The following SYTL3 variants were observed in gnomAD, a reference collection of about 807,000 sequenced individuals.
SYTL3 encodes synaptotagmin like 3.
Under a neutral mutation model 82.1 loss-of-function variants are expected in SYTL3, and 88 were observed. That is an observed-to-expected ratio of 1.07 (90% confidence interval 0.90 to 1.28). The LOEUF is 1.28. SYTL3 is among the 50% of genes most tolerant of loss of function. The pLI is 0.00. For synonymous variants in SYTL3, 311 were observed against 289.4 expected (o/e 1.07, Z -0.76); for missense variants, 831 against 757.6 (o/e 1.10, Z -1.14).
At chr6:158,710,141 A>G (rs1173010096) in intron 8 of SYTL3, among the ~76,000 whole-genome samples, 1 of 152,236 alleles carries the variant, frequency 6.6e-6, no homozygotes, top group African/African-American at 2.4e-5. Flanking sequence ...AAACACTCAG[A>G]TATACTAATG....
At chr6:158,703,650 G>C (rs974418882) in intron 6 of SYTL3, among the ~76,000 whole-genome samples, 6 of 151,948 alleles carry the variant, frequency 3.9e-5, no homozygotes, top group African/African-American at 1.5e-4. Context: ...AATGGGATTG[G>C]GGCTCTGCAG....
intron 11 of SYTL3, among the ~76,000 whole-genome samples, chr6:158,729,608 G>A (rs1414378250): frequency 1.5e-5 from 2 of 135,244 alleles, no homozygotes; most frequent in African/African-American, 2.8e-5. Context: ...GCTTTGTCAC[G>A]TAGGCTGGAG....
intron 15 of SYTL3, among the ~76,000 whole-genome samples, chr6:158,761,468 A>G (rs112567109): frequency 3.6e-3 from 548 of 151,050 alleles, no homozygotes; most frequent in African/African-American, 0.012. Flanking sequence ...ATGCCCGGCT[A>G]ATTTTTTGTT....
At chr6:158,754,829 G>A (rs951275661) in intron 13 of SYTL3, among the ~76,000 whole-genome samples, 2 of 152,200 alleles carry the variant, frequency 1.3e-5, no homozygotes, top group African/African-American at 2.4e-5. Flanking sequence ...GTGGCTGAGC[G>A]TCGCCCACAC....
At chr6:158,722,760 CTGT>C (rs1247132593) in intron 10 of SYTL3, among the ~76,000 whole-genome samples, 3 of 89,192 alleles carry the variant, frequency 3.4e-5, no homozygotes, top group African/African-American at 1.7e-4. Context: ...TCTCTCTTTT[CTGT>C]TTTTTTTTTT....
At chr6:158,661,973 T>C (rs1215847149) in intron 3 of SYTL3, among the ~76,000 whole-genome samples, 1 of 152,206 alleles carries the variant, frequency 6.6e-6, no homozygotes, top group East Asian at 1.9e-4. Context: ...GCATACCTTA[T>C]TTTATGCGTT....
At chr6:158,724,151 C>A (rs576367832) in intron 10 of SYTL3, among the ~76,000 whole-genome samples, 1 of 152,338 alleles carries the variant, frequency 6.6e-6, no homozygotes, top group South Asian at 2.1e-4. Context: ...TGTCTTCCTA[C>A]TAGCTAGTGA....
chr6:158,665,451 G>T lies in SYTL3; in HGVS notation c.167G>T (p.Trp56Leu). 6.2e-7 allele frequency: 1 copy of T among 1,609,084 alleles called. No homozygotes were observed. The highest frequency in any genetic ancestry group is 8.5e-7 in the Non-Finnish European group (1 of 1,177,812). Reference sequence around the variant, plus strand: ...TGGAAAGGAGCGAAGAACACGGACTGGGAGCACAAAGAGAAGTGCTGTGCG... The same window carrying T: ...TGGAAAGGAGCGAAGAACACGGACTTGGAGCACAAAGAGAAGTGCTGTGCG... ...LRWKGAKNTD[W>L]EHKEKCCARC... The change falls in exon 5 of 18, where the codon TGG becomes TTG. Residue 56 changes from tryptophan to leucine, a missense_variant. By Grantham distance (61) the Trp-to-Leu change is moderately conservative. Coordinates refer to ENST00000611299, the MANE Select transcript of SYTL3 (RefSeq NM_001242394.2).
At position 158,764,835 on chromosome 6, in the gene SYTL3, A is replaced by C; in HGVS notation, c.*231A>C. 2.4e-6 allele frequency: 1 copy of C among 409,804 alleles called. No individual in the cohort carries two copies. Among genetic ancestry groups the C allele is most frequent in the Non-Finnish European group, 4.4e-6 (1 of 228,434 alleles). The allele number at this position is 409,804 out of a possible 1,614,324, so 25.4% of individuals were successfully genotyped here. On this transcript the variant is annotated 3_prime_UTR_variant, in exon 18 of 18. Coordinates refer to ENST00000611299, the MANE Select transcript of SYTL3 (RefSeq NM_001242394.2). ...GGTTATCTCCTCTTTGAGATGTAGA[A>C]AATGGCCAGATTTTAATAAACGTTG...
intron 4 of SYTL3, among the ~76,000 whole-genome samples, chr6:158,664,179 G>A (rs1562348378): frequency 6.6e-6 from 1 of 152,132 alleles, no homozygotes; most frequent in Non-Finnish European, 1.5e-5. Context: ...AGAATTTTCT[G>A]GTATAGTATT....
rs1485841326 is a variant in SYTL3 at position 158,701,274 on chromosome 6, AG to A, written c.395-5954del. The stretch of plus-strand genomic sequence containing the variant: ...GGAGTGTGAGCTGGGGTGTAGATGA[AG>A]GAGTGTGAGCTGGGGTGTAGATGAA... On this transcript the variant is annotated intron_variant, in intron 6 of 17. Coordinates refer to ENST00000611299, the MANE Select transcript of SYTL3 (RefSeq NM_001242394.2). 3.0e-3 allele frequency among the ~76,000 whole-genome samples: 11 copies of A among 3,708 alleles called. 3 individuals are homozygous for A. The highest frequency in any genetic ancestry group is 6.5e-3 in the African/African-American group (4 of 618). 2.4% of individuals were successfully genotyped at this position (3,708 alleles called of 152,430 possible). A position where few individuals can be genotyped will look rare whatever the true frequency, so the allele number is the denominator to read the frequency against.
intron 13 of SYTL3, 126 bp downstream of exon 13, chr6:158,752,156 G>A (rs1788481666): frequency 1.9e-6 from 1 of 523,630 alleles, no homozygotes; most frequent in Non-Finnish European, 3.3e-6. Flanking sequence ...ACACCTATAT[G>A]TTTCTTCGCA....
intron 11 of SYTL3, among the ~76,000 whole-genome samples, chr6:158,728,768 T>G (rs982630096): frequency 6.6e-6 from 1 of 152,120 alleles, no homozygotes; most frequent in African/African-American, 2.4e-5. Context: ...GTGAAACCCC[T>G]TCTCTACTAA....
intron 6 of SYTL3, among the ~76,000 whole-genome samples, chr6:158,701,255 T>TCTAGGG (rs1562393508): frequency 8.1e-4 from 6 of 7,362 alleles, no homozygotes; most frequent in African/African-American, 1.2e-3. Context: ...TGAAGGAGTG[T>TCTAGGG]GAGCTGGGGT....
chr6:158,734,871 C>T (rs1562441625), intron 11 of SYTL3, among the ~76,000 whole-genome samples: 1 of 152,194 alleles, frequency 6.6e-6, no homozygotes, highest in East Asian at 1.9e-4. Flanking sequence ...CTTCACAGCT[C>T]AGTCATTCTC....
rs577512905 is a variant in SYTL3, at chr6:158,676,024, T to G, written c.330-6901T>G. 3.9e-4 allele frequency among the ~76,000 whole-genome samples: 59 copies of G among 152,306 alleles called. No homozygotes were observed. The South Asian group carries it at 0.011, about 28-fold the overall frequency. On this transcript the variant is annotated intron_variant, in intron 5 of 17. Coordinates refer to ENST00000611299, the MANE Select transcript of SYTL3 (RefSeq NM_001242394.2). ...ATTTATATCCCCATCAAGCTACCAA[T>G]GACTTTCTTCACAGAATTGGAAAAA...
rs183728340 is a variant in SYTL3 at position 158,657,491 on chromosome 6, G to C, written c.-636-3778G>C. Among the ~76,000 whole-genome samples the C allele has an allele frequency of 4.9e-3, 741 of 150,510 alleles. 6 individuals carry two copies. Among genetic ancestry groups the C allele is most frequent in the African/African-American group, 0.017 (692 of 40,908 alleles). ...AAAAAAGAGAAACTGTTAATGGCTA[G>C]GAAAAACTTTATGAAAAAACAAAAC... On this transcript the variant is annotated intron_variant, in intron 2 of 17. Transcript: ENST00000611299.
rs1007001609 is a variant in SYTL3 at position 158,708,190 on chromosome 6, C to T, written c.447-132C>T. 7.2e-6 allele frequency: 6 copies of T among 833,024 alleles called. No individual in the cohort carries two copies. In the African/African-American group the frequency reaches 8.4e-5, roughly 12 times the overall value. 51.6% of individuals were successfully genotyped at this position (833,024 alleles called of 1,614,324 possible). A position where few individuals can be genotyped will look rare whatever the true frequency, so the allele number is the denominator to read the frequency against. The stretch of plus-strand genomic sequence containing the variant: ...CAAGCAGGGCTGCTGGCTATTTTTC[C>T]AAAAAGTGAGGCAGTTTAAAAAAAA... On this transcript the variant is annotated intron_variant, in intron 7 of 17. Coordinates refer to ENST00000611299, the MANE Select transcript of SYTL3 (RefSeq NM_001242394.2).
chr6:158,664,995 T>C (rs1467412820), intron 4 of SYTL3, among the ~76,000 whole-genome samples: 1 of 152,238 alleles, frequency 6.6e-6, no homozygotes, highest in African/African-American at 2.4e-5. Context: ...GTTTCTAGAT[T>C]ATTCCATGCC....
Sources: gnomAD v4.1 joint callset for allele counts (sites outside exome capture counted in the v4.1 genomes callset) on GRCh38, gnomAD v4.1.1 for gene constraint, MANE v1.5 for transcripts, NCBI Gene and HGNC (gene_info 2026-07-23, HGNC 2026-07-21) for gene names.